The following SENP7 variants were observed in gnomAD, a reference collection of about 807,000 sequenced individuals.
SENP7 encodes the protein sentrin-specific protease 7.
In SENP7, 64 loss-of-function variants were observed where a neutral mutation model predicts 141.2. The ratio of observed to expected loss-of-function variants is 0.45; its 90% CI spans 0.37 to 0.56. The LOEUF is 0.56. SENP7 is among the 20% of genes least tolerant of loss of function. The pLI, the probability that SENP7 is intolerant of heterozygous loss-of-function variation, is 0.00. For missense variants in SENP7, 1,025 were observed against 1,212.2 expected (o/e 0.85, Z 2.29); for synonymous variants, 382 against 426.4 (o/e 0.90, Z 1.28).
chr3:101,415,958 A>C (rs576990057), intron 5 of SENP7, among the ~76,000 whole-genome samples: 2 of 151,868 alleles, frequency 1.3e-5, no homozygotes, highest in South Asian at 4.2e-4. Flanking sequence ...AAATATATAT[A>C]TGTATATATG....
At chr3:101,422,857 T>A (rs1243459737) in intron 4 of SENP7, among the ~76,000 whole-genome samples, 1 of 151,628 alleles carries the variant, frequency 6.6e-6, no homozygotes, top group Non-Finnish European at 1.5e-5. Context: ...TAAAAAAAAA[T>A]ACACTGGTTT....
intron 4 of SENP7, among the ~76,000 whole-genome samples, chr3:101,449,560 A>G (rs2063039379): frequency 1.3e-5 from 2 of 152,234 alleles, no homozygotes; most frequent in South Asian, 4.1e-4. Context: ...GTGGGGGCCA[A>G]TATTCAACAT....
At chr3:101,406,780 A>G (rs2107611921) in intron 5 of SENP7, among the ~76,000 whole-genome samples, 1 of 152,300 alleles carries the variant, frequency 6.6e-6, no homozygotes, top group South Asian at 2.1e-4. Context: ...CAGGTTATCT[A>G]AAGTTAATAT....
chr3:101,496,106 T>C (rs752082668), intron 2 of SENP7, among the ~76,000 whole-genome samples: 14 of 152,220 alleles, frequency 9.2e-5, no homozygotes, highest in Non-Finnish European at 1.3e-4. Flanking sequence ...ATGTTTCTTA[T>C]AAACAGACAA....
chr3:101,343,986 GTAT>G, intron 13 of SENP7, 32 bp from the exon 14 acceptor site: 2 of 1,351,770 alleles, frequency 1.5e-6, no homozygotes, highest in Non-Finnish European at 2.0e-6. Flanking sequence ...TGTATCAATA[GTAT>G]TATTTTTCAA....
chr3:101,355,394 A>G (rs886069652), intron 11 of SENP7, among the ~76,000 whole-genome samples: 3 of 152,066 alleles, frequency 2.0e-5, no homozygotes, highest in African/African-American at 7.2e-5. Context: ...TGTGTATGGT[A>G]TAAGGAAGGG....
chr3:101,473,269 T>G (rs924263896), intron 3 of SENP7, among the ~76,000 whole-genome samples: 1 of 152,130 alleles, frequency 6.6e-6, no homozygotes, highest in Non-Finnish European at 1.5e-5. Context: ...ACTGCTGGAG[T>G]GAATGGTACT....
In SENP7 at chr3:101,384,847, C is replaced by T. The variant is rs182034008; in HGVS notation, c.678-12721G>A. ...TGACATCACCACGATTGTAAGCTTCCTGAGGTCTCCCCAGAAGCAGATGCT... is the reference window on the plus strand; with the variant it reads ...TGACATCACCACGATTGTAAGCTTCTTGAGGTCTCCCCAGAAGCAGATGCT... On this transcript the variant is annotated intron_variant, in intron 6 of 23. Coordinates refer to ENST00000394095, the MANE Select transcript of SENP7 (RefSeq NM_020654.5). Among the ~76,000 whole-genome samples, 16 of 152,300 alleles carry T rather than the reference C, an allele frequency of 1.1e-4. No individual in the cohort carries two copies. The South Asian group carries it at 2.7e-3, about 26-fold the overall frequency.
chr3:101,422,596 T>G (rs1343423408), intron 4 of SENP7, among the ~76,000 whole-genome samples: 4 of 152,154 alleles, frequency 2.6e-5, no homozygotes, highest in African/African-American at 9.7e-5. Context: ...TGCCTAGGCT[T>G]TTTAGAACCA....
intron 10 of SENP7, 91 bp downstream of exon 10, chr3:101,364,743 T>C: frequency 2.1e-6 from 2 of 955,928 alleles, no homozygotes; most frequent in Non-Finnish European, 3.0e-6. Flanking sequence ...GTAATTTTCA[T>C]TACAATATTC....
intron 4 of SENP7, among the ~76,000 whole-genome samples, chr3:101,428,001 C>T (rs1264800357): frequency 6.6e-6 from 1 of 152,132 alleles, no homozygotes; most frequent in East Asian, 1.9e-4. Flanking sequence ...CCAGTTTCAT[C>T]CATGTCCTGG....
intron 4 of SENP7, among the ~76,000 whole-genome samples, chr3:101,442,996 T>C (rs924677387): frequency 2.6e-5 from 4 of 152,252 alleles, no homozygotes; most frequent in Admixed American, 6.5e-5. Context: ...GCCATTGCTT[T>C]TGGTGTTTTA....
chr3:101,334,437 C>A (rs1340717720), intron 17 of SENP7, among the ~76,000 whole-genome samples: 1 of 151,900 alleles, frequency 6.6e-6, no homozygotes, highest in Non-Finnish European at 1.5e-5. Flanking sequence ...CAAACCATTA[C>A]ATTCTTATAT....
At chr3:101,452,422 A>C (rs2063177643) in intron 4 of SENP7, among the ~76,000 whole-genome samples, 1 of 152,210 alleles carries the variant, frequency 6.6e-6, no homozygotes, top group Non-Finnish European at 1.5e-5. Flanking sequence ...TCCTAAGCCA[A>C]AAGAACAAAG....
intron 12 of SENP7, among the ~76,000 whole-genome samples, chr3:101,349,543 G>A (rs2059559885): frequency 6.6e-6 from 1 of 152,062 alleles, no homozygotes; most frequent in African/African-American, 2.4e-5. Context: ...GAGAATGATG[G>A]TTTCCGGGGA....
At chr3:101,422,305 G>A (rs890273632) in intron 4 of SENP7, among the ~76,000 whole-genome samples, 8 of 152,230 alleles carry the variant, frequency 5.3e-5, no homozygotes, top group Admixed American at 6.5e-5. Flanking sequence ...CCAGTCCCTG[G>A]TGCCAAAAAG....
At chr3:101,507,946 G>A (rs2065690099) in intron 1 of SENP7, among the ~76,000 whole-genome samples, 1 of 151,104 alleles carries the variant, frequency 6.6e-6, no homozygotes, top group Non-Finnish European at 1.5e-5. Flanking sequence ...CTACTCAGGA[G>A]GCTGATGCAG....
intron 6 of SENP7, among the ~76,000 whole-genome samples, chr3:101,374,586 G>A (rs999775339): frequency 2.4e-4 from 34 of 142,058 alleles, no homozygotes; most frequent in African/African-American, 8.7e-4. Context: ...TTCATTATGG[G>A]GTTTCACCCC....
At chr3:101,459,777 C>G (rs2063490981) in intron 3 of SENP7, among the ~76,000 whole-genome samples, 1 of 151,966 alleles carries the variant, frequency 6.6e-6, no homozygotes, top group Non-Finnish European at 1.5e-5. Flanking sequence ...TCGCAATAAC[C>G]AAAAGAGGGA....
Sources: allele counts gnomAD v4.1 joint callset (sites outside exome capture counted in the v4.1 genomes callset), GRCh38; gene constraint gnomAD v4.1.1; transcripts MANE v1.5; gene names NCBI Gene and HGNC (gene_info 2026-07-23, HGNC 2026-07-21).